The following IFT140 variants were observed in gnomAD, a reference collection of about 807,000 sequenced individuals.
IFT140 encodes intraflagellar transport protein 140 homolog.
Under a neutral mutation model 164.6 loss-of-function variants are expected in IFT140, and 133 were observed. That is an observed-to-expected ratio of 0.81 (90% CI 0.70 to 0.93). The LOEUF (loss-of-function observed/expected upper bound fraction) is 0.93. Ranked by LOEUF, IFT140 falls within the 40% of genes least tolerant of loss-of-function variation. The probability of loss-of-function intolerance (pLI) is 0.00; values close to 1 mark genes in which losing one functional copy is unlikely to be tolerated. For missense variants in IFT140, 2,045 were observed against 1,972.3 expected, an observed-to-expected ratio of 1.04 and a Z score of -0.70; for synonymous variants, 860 against 817.3, an observed-to-expected ratio of 1.05 and a Z score of -0.89.
At chr16:1,516,914 G>A (rs2040370651) in intron 30 of IFT140, among the ~76,000 whole-genome samples, 1 of 152,114 alleles carries the variant, frequency 6.6e-6, no homozygotes, top group African/African-American at 2.4e-5. Flanking sequence ...GTGAGACACT[G>A]CAGAAGGAAA....
intron 4 of IFT140, among the ~76,000 whole-genome samples, chr16:1,598,684 G>C (rs78305748): frequency 0.053 from 8,049 of 152,342 alleles, 443 homozygotes; most frequent in Admixed American, 0.17. Context: ...AAGGACAGTG[G>C]TTTGGGCATC....
At chr16:1,595,719 A>C (rs956325837) in intron 4 of IFT140, among the ~76,000 whole-genome samples, 1 of 152,194 alleles carries the variant, frequency 6.6e-6, no homozygotes, top group African/African-American at 2.4e-5. Context: ...ATATTATCAT[A>C]TGATTCTTGA....
Position 1,524,897 on chromosome 16 carries a change from C to T in IFT140, c.2884G>A (p.Ala962Thr), listed in dbSNP as rs1239210409. The part of the protein sequence containing the change: ...MKDKTLWRWW[A>T]QYLESQGEMD... The stretch of plus-strand genomic sequence containing the variant: ...TCGCCCTGGCTCTCCAGGTACTGCG[C>T]CCACCACCGCCACAGGGTCCTGCGG... Residue 962 changes from alanine (A) to threonine (T), a missense_variant, in exon 23 of 31, where the codon GCG becomes ACG. Physicochemically the swap from Ala to Thr is moderately conservative, Grantham distance 58 (BLOSUM62 0). Coordinates refer to ENST00000426508, the MANE Select transcript of IFT140 (RefSeq NM_014714.4). The T allele has an allele frequency of 6.2e-7, 1 of 1,608,872 alleles. No homozygotes were observed. Among genetic ancestry groups the T allele is most frequent in the Non-Finnish European group, 8.5e-7 (1 of 1,178,030 alleles).
chr16:1,579,004 C>T (rs1050362422), intron 13 of IFT140, among the ~76,000 whole-genome samples: 3 of 152,306 alleles, frequency 2.0e-5, no homozygotes, highest in African/African-American at 7.2e-5. Context: ...TGAGTTACAG[C>T]GCTCGGCCTT....
chr16:1,557,736 C>G, intron 19 of IFT140, 199 bp downstream of exon 19: 1 of 600,712 alleles, frequency 1.7e-6, no homozygotes. Context: ...GCTCCCAGCA[C>G]CAGAGAGGCT....
intron 13 of IFT140, among the ~76,000 whole-genome samples, chr16:1,572,600 C>T (rs538451993): frequency 6.6e-6 from 1 of 152,290 alleles, no homozygotes; most frequent in Admixed American, 6.5e-5. Flanking sequence ...GAGCCGAGAA[C>T]ATGCCACTGC....
At chr16:1,536,589 G>C (rs900097617) in intron 19 of IFT140, among the ~76,000 whole-genome samples, 16 of 152,192 alleles carry the variant, frequency 1.1e-4, no homozygotes, top group African/African-American at 3.9e-4. Context: ...AAAGGAACAG[G>C]CTCAACGGGT....
chr16:1,584,361 G>T lies in IFT140; in HGVS notation c.1215C>A (p.Ser405Arg), dbSNP rs778865722. Residue 405 changes from serine (S) to arginine (R), a missense_variant, in exon 11 of 31, where the codon AGC (serine) becomes AGA (arginine). By Grantham distance (110) the Ser-to-Arg change is moderately radical. Coordinates refer to ENST00000426508, the MANE Select transcript of IFT140 (RefSeq NM_014714.4). The part of the protein sequence containing the change: ...VNSVISVAIL[S>R]ERAMSSHFHQ... ...GGAAGTGTGACGACATGGCCCGCTCGCTGAGGATGGCCACGGAGATGACGC... is the reference window on the plus strand; with the variant it reads ...GGAAGTGTGACGACATGGCCCGCTCTCTGAGGATGGCCACGGAGATGACGC... The T allele has an allele frequency of 1.2e-5, 20 of 1,612,930 alleles. No individual in the cohort carries two copies. The highest frequency in any genetic ancestry group is 1.7e-5 in the Non-Finnish European group (20 of 1,179,784).
rs2035068981 is a variant in IFT140 at position 1,589,612 on chromosome 16, ACTT to A, written c.800_802del (p.Glu267del). ...AAGCCCACTCCCACTCACCTTCATC[ACTT>A]CTTCTGCTTTGCCCTCAGGAGGCAC... On this transcript the variant is annotated inframe_deletion, in exon 7 of 31. Coordinates refer to ENST00000426508, the MANE Select transcript of IFT140 (RefSeq NM_014714.4). The A allele has an allele frequency of 6.2e-6, 10 of 1,613,568 alleles. No individual in the cohort carries two copies. The highest frequency in any genetic ancestry group is 8.5e-6 in the Non-Finnish European group (10 of 1,179,656).
At chr16:1,566,383 G>A in intron 15 of IFT140, 92 bp from the exon 16 acceptor site, 1 of 1,256,506 alleles carries the variant, frequency 8.0e-7, no homozygotes, top group Non-Finnish European at 1.1e-6. Context: ...CACATGTCAA[G>A]AGAAACACAC....
intron 13 of IFT140, chr16:1,580,359 G>C (rs2034491575): frequency 6.2e-6 from 1 of 160,504 alleles, no homozygotes; most frequent in Admixed American, 6.3e-5. Flanking sequence ...GGTGGGGCCT[G>C]GGGGGAGGCG....
rs369331038 is a variant in IFT140, at chr16:1,580,751, C to T, written c.1524+8G>A. The T allele has an allele frequency of 2.8e-5, 45 of 1,604,872 alleles. No homozygotes were observed. The African/African-American group carries it at 5.2e-4, about 19-fold the overall frequency. Reference sequence around the variant, plus strand: ...CTCTGGTTTTCTTGCAGTGGAGCAGCAACTTACCTGCCAGGTTCGAACTTG... The same window carrying T: ...CTCTGGTTTTCTTGCAGTGGAGCAGTAACTTACCTGCCAGGTTCGAACTTG... On this transcript the variant is annotated splice_region_variant and intron_variant, in intron 13 of 30. Coordinates refer to ENST00000426508, the MANE Select transcript of IFT140 (RefSeq NM_014714.4).
intron 19 of IFT140, among the ~76,000 whole-genome samples, chr16:1,544,287 C>T (rs2031944659): frequency 6.6e-6 from 1 of 151,694 alleles, no homozygotes; most frequent in African/African-American, 2.4e-5. Context: ...GGGTTCACGC[C>T]ATTCTCCTGC....
rs1331793186 is a variant in IFT140, at chr16:1,553,092, T to C, written c.2399+4843A>G. On this transcript the variant is annotated intron_variant, in intron 19 of 30. Transcript: ENST00000426508. The surrounding 1 kb of genome is among the most constrained non-coding windows in gnomAD (Gnocchi z 4.4). ...AAAATGGAGATAGATAAATGCTTAA[T>C]TCATACTTTCTGGAGGGTACAGTGA... 2.0e-6 allele frequency: 2 copies of C among 985,358 alleles called. No homozygotes were observed. The highest frequency in any genetic ancestry group is 6.1e-5 in the Admixed American group (1 of 16,264). 61.0% of individuals were successfully genotyped at this position (985,358 alleles called of 1,614,324 possible). A position where few individuals can be genotyped will look rare whatever the true frequency, so the allele number is the denominator to read the frequency against.
At chr16:1,517,801 C>T (rs2040407421) in intron 30 of IFT140, among the ~76,000 whole-genome samples, 1 of 152,148 alleles carries the variant, frequency 6.6e-6, no homozygotes, top group Non-Finnish European at 1.5e-5. Flanking sequence ...TAGTAACAGC[C>T]AGTAACAGCG....
intron 17 of IFT140, among the ~76,000 whole-genome samples, chr16:1,562,925 A>G (rs1164737483): frequency 2.6e-5 from 4 of 152,166 alleles, no homozygotes; most frequent in African/African-American, 9.7e-5. Flanking sequence ...ACATGCGCCC[A>G]TACCTGCAGC....
chr16:1,530,212 C>T (rs2030317589), intron 19 of IFT140, among the ~76,000 whole-genome samples: 1 of 142,058 alleles, frequency 7.0e-6, no homozygotes, highest in African/African-American at 2.7e-5. Context: ...GATCTTGGCT[C>T]ACTGCAACCT....
At chr16:1,602,743 C>T (rs1179904307) in intron 3 of IFT140, 152 bp from the exon 4 acceptor site, 1 of 683,566 alleles carries the variant, frequency 1.5e-6, no homozygotes, top group African/African-American at 1.8e-5. Flanking sequence ...AGTTCGAGAC[C>T]AGCTGGGCCA....
intron 7 of IFT140, 107 bp from the exon 8 acceptor site, chr16:1,588,131 C>A: frequency 1.2e-6 from 1 of 806,180 alleles, no homozygotes; most frequent in Non-Finnish European, 2.0e-6. Context: ...GGAGACTCAC[C>A]AAGTGGGGGA....
Sources: gnomAD v4.1 joint callset for allele counts (sites outside exome capture counted in the v4.1 genomes callset) on GRCh38, gnomAD v4.1.1 for gene constraint, Gnocchi (gnomAD v3.1) non-coding constraint, MANE v1.5 for transcripts, NCBI Gene and HGNC (gene_info 2026-07-23, HGNC 2026-07-21) for gene names.